The following AGTPBP1 variants were observed in gnomAD, a reference collection of about 807,000 sequenced individuals.
AGTPBP1 encodes cytosolic carboxypeptidase 1.
Under a neutral mutation model 143.9 loss-of-function variants are expected in AGTPBP1, and 70 were observed. That is an observed-to-expected ratio of 0.49 (90% CI 0.40 to 0.59). AGTPBP1 has a LOEUF of 0.59. AGTPBP1 is among the 20% of genes least tolerant of loss of function. The pLI is 0.00. For missense variants in AGTPBP1, 1,229 were observed against 1,464.5 expected (o/e 0.84, Z 2.62); for synonymous variants, 463 against 500.2 (o/e 0.93, Z 0.99).
At chr9:85,746,855 C>T (rs1310318225), upstream of AGTPBP1, among the ~76,000 whole-genome samples, 1 of 151,602 alleles carries the variant, frequency 6.6e-6, no homozygotes, top group African/African-American at 2.4e-5. Context: ...TGTTGTATAC[C>T]TTACATATGT....
chr9:85,801,288 G>T, the AGTPBP1 span, among the ~76,000 whole-genome samples: 120 of 152,272 alleles, frequency 7.9e-4, 1 homozygote, highest in Non-Finnish European at 1.2e-3. Context: ...CTCTGGCCTG[G>T]TTGACAGAGC....
At chr9:85,653,335 G>C (rs1297544286) in intron 11 of AGTPBP1, among the ~76,000 whole-genome samples, 2 of 152,122 alleles carry the variant, frequency 1.3e-5, no homozygotes, top group African/African-American at 4.8e-5. Context: ...GAATCAGGAA[G>C]GCTTGTCAGT....
At chr9:85,550,432 C>T (rs913403367) in intron 25 of AGTPBP1, among the ~76,000 whole-genome samples, 2 of 152,046 alleles carry the variant, frequency 1.3e-5, no homozygotes, top group Non-Finnish European at 2.9e-5. Context: ...TGCTTAATTC[C>T]TTTCTGTCCC....
At chr9:85,609,566 C>T (rs1265841329) in intron 17 of AGTPBP1, among the ~76,000 whole-genome samples, 2 of 152,150 alleles carry the variant, frequency 1.3e-5, no homozygotes, top group Non-Finnish European at 2.9e-5. Flanking sequence ...CAGACGTGAG[C>T]CACCGCGCCC....
intron 11 of AGTPBP1, among the ~76,000 whole-genome samples, chr9:85,647,296 T>C (rs1209652974): frequency 6.6e-6 from 1 of 152,104 alleles, no homozygotes. Flanking sequence ...AGAAAGTTTA[T>C]GAATCTCTGT....
intron 17 of AGTPBP1, among the ~76,000 whole-genome samples, chr9:85,612,770 C>T (rs978837659): frequency 1.3e-5 from 2 of 152,050 alleles, no homozygotes; most frequent in African/African-American, 4.8e-5. Flanking sequence ...GTAGGAAGGA[C>T]ACCCAGTTGG....
intron 2 of AGTPBP1, among the ~76,000 whole-genome samples, chr9:85,693,734 G>A (rs1271327057): frequency 2.0e-5 from 3 of 152,162 alleles, no homozygotes; most frequent in Admixed American, 6.5e-5. Context: ...AGGTAAATAT[G>A]TACATTTTAT....
the AGTPBP1 span, among the ~76,000 whole-genome samples, chr9:85,798,859 T>C: frequency 6.6e-6 from 1 of 152,068 alleles, no homozygotes; most frequent in African/African-American, 2.4e-5. Context: ...TTATTATTGT[T>C]ATCATTATAC....
intron 7 of AGTPBP1, among the ~76,000 whole-genome samples, chr9:85,671,687 G>C (rs1299570010): frequency 6.6e-6 from 1 of 151,392 alleles, no homozygotes; most frequent in Non-Finnish European, 1.5e-5. Flanking sequence ...TCAGAGAATA[G>C]AAAAAAAAAT....
At chr9:85,593,169 T>C (rs1485063689) in intron 18 of AGTPBP1, among the ~76,000 whole-genome samples, 1 of 152,184 alleles carries the variant, frequency 6.6e-6, no homozygotes, top group Non-Finnish European at 1.5e-5. Context: ...TGGGAATTCA[T>C]TGCACCACCT....
At chr9:85,580,846 C>T (rs1420205762) in intron 23 of AGTPBP1, among the ~76,000 whole-genome samples, 1 of 152,118 alleles carries the variant, frequency 6.6e-6, no homozygotes, top group African/African-American at 2.4e-5. Context: ...CAGATTCAGA[C>T]ATGATGATCT....
intron 11 of AGTPBP1, among the ~76,000 whole-genome samples, chr9:85,653,140 G>A (rs1318393874): frequency 6.6e-6 from 1 of 151,630 alleles, no homozygotes; most frequent in African/African-American, 2.4e-5. Context: ...GCAGAGGCAA[G>A]GGCATGTAGT....
At chr9:85,594,791 GAAC>G (rs1186872751) in intron 18 of AGTPBP1, among the ~76,000 whole-genome samples, 1 of 152,058 alleles carries the variant, frequency 6.6e-6, no homozygotes, top group Non-Finnish European at 1.5e-5. Flanking sequence ...ACACAGAATA[GAAC>G]AACTTGTCCT....
intron 3 of AGTPBP1, among the ~76,000 whole-genome samples, chr9:85,692,240 G>A (rs1296556870): frequency 6.7e-6 from 1 of 149,288 alleles, no homozygotes; most frequent in African/African-American, 2.5e-5. Context: ...AAGTTATTCA[G>A]TTTTCCACTC....
chr9:85,774,993 A>G, the AGTPBP1 span, among the ~76,000 whole-genome samples: 7 of 152,194 alleles, frequency 4.6e-5, no homozygotes. Flanking sequence ...AGTTCATGCC[A>G]TAGCCAAATA....
intron 13 of AGTPBP1, among the ~76,000 whole-genome samples, chr9:85,639,350 C>T (rs1425100907): frequency 7.1e-6 from 1 of 141,342 alleles, no homozygotes; most frequent in Admixed American, 7.2e-5. Context: ...CATACACACA[C>T]CCATGCGCGC....
chr9:85,616,663 C>A (rs1175214189), intron 17 of AGTPBP1, among the ~76,000 whole-genome samples: 1 of 151,840 alleles, frequency 6.6e-6, no homozygotes. Flanking sequence ...CTTTTCTCCT[C>A]TAAAAATATT....
intron 13 of AGTPBP1, among the ~76,000 whole-genome samples, chr9:85,638,838 T>C (rs889396845): frequency 6.6e-6 from 1 of 151,950 alleles, no homozygotes; most frequent in African/African-American, 2.4e-5. Flanking sequence ...ATAATCATAA[T>C]CACAAGTGAG....
chr9:85,655,572 T>C (rs1833445342), intron 10 of AGTPBP1, among the ~76,000 whole-genome samples: 1 of 152,048 alleles, frequency 6.6e-6, no homozygotes, highest in South Asian at 2.1e-4. Flanking sequence ...ATCAGTACCA[T>C]CTTTGGAGTG....
Sources: allele counts gnomAD v4.1 joint callset (sites outside exome capture counted in the v4.1 genomes callset), GRCh38; gene constraint gnomAD v4.1.1; transcripts MANE v1.5; gene names NCBI Gene and HGNC (gene_info 2026-07-23, HGNC 2026-07-21).